The following WDR70 variants were observed in gnomAD, a reference collection of about 807,000 sequenced individuals.
WDR70 encodes WD repeat-containing protein 70.
WDR70 carries 53 observed loss-of-function variants against 88.6 expected under a neutral mutation model. That is an observed-to-expected ratio of 0.60 (90% CI 0.48 to 0.75). WDR70 has a LOEUF of 0.75. Among genes scored for constraint, WDR70 ranks in the 30% least tolerant of loss-of-function variants. WDR70 has a pLI of 0.00. For synonymous variants in WDR70, 280 were observed against 270.0 expected, an observed-to-expected ratio of 1.04 and a Z score of -0.36; for missense variants, 610 against 823.2, an observed-to-expected ratio of 0.74 and a Z score of 3.17.
intron 10 of WDR70, among the ~76,000 whole-genome samples, chr5:37,679,553 G>C (rs568573092): frequency 1.3e-5 from 2 of 152,180 alleles, no homozygotes; most frequent in African/African-American, 4.8e-5. Context: ...GCGGATTTTC[G>C]TGAACCGCGA....
intron 3 of WDR70, among the ~76,000 whole-genome samples, chr5:37,390,717 GTTT>G (rs560301932): frequency 7.6e-6 from 1 of 132,442 alleles, no homozygotes. Context: ...AAAAAGTGCT[GTTT>G]TTTTTTTTTT....
chr5:37,689,689 C>T (rs1746725381), intron 10 of WDR70, among the ~76,000 whole-genome samples: 1 of 152,154 alleles, frequency 6.6e-6, no homozygotes, highest in Non-Finnish European at 1.5e-5. Flanking sequence ...ACATCTACAC[C>T]AAAACCCCAT....
chr5:37,692,873 C>T (rs548237020), intron 10 of WDR70, among the ~76,000 whole-genome samples: 5 of 147,466 alleles, frequency 3.4e-5, no homozygotes, highest in African/African-American at 1.2e-4. Context: ...CCAGGGCAAT[C>T]AGGCAAGAGA....
intron 9 of WDR70, among the ~76,000 whole-genome samples, chr5:37,574,814 G>A (rs1581405795): frequency 6.6e-6 from 1 of 152,150 alleles, no homozygotes. Flanking sequence ...AGAGATGTGA[G>A]AGTCATTCTT....
At chr5:37,681,333 G>C (rs1214681414) in intron 10 of WDR70, among the ~76,000 whole-genome samples, 2 of 152,190 alleles carry the variant, frequency 1.3e-5, no homozygotes, top group Non-Finnish European at 2.9e-5. Context: ...TTTGGGCTGA[G>C]ACTGTGAGGT....
intron 8 of WDR70, among the ~76,000 whole-genome samples, chr5:37,487,765 A>G (rs1166510581): frequency 2.0e-5 from 3 of 151,280 alleles, no homozygotes; most frequent in Non-Finnish European, 4.4e-5. Context: ...AGCTGGGACT[A>G]CAGGTACGTA....
chr5:37,605,924 C>T (rs1367020565), intron 10 of WDR70, among the ~76,000 whole-genome samples: 2 of 152,078 alleles, frequency 1.3e-5, no homozygotes, highest in African/African-American at 2.4e-5. Flanking sequence ...AGTCTAGACA[C>T]CAGTGTTAAA....
chr5:37,626,200 A>C (rs1303207806), intron 10 of WDR70, among the ~76,000 whole-genome samples: 2 of 152,040 alleles, frequency 1.3e-5, no homozygotes, highest in African/African-American at 4.8e-5. Context: ...GTCTTGTTCT[A>C]GTTCTTAGCT....
chr5:37,452,034 A>T (rs575283247), intron 7 of WDR70, among the ~76,000 whole-genome samples: 1 of 152,146 alleles, frequency 6.6e-6, no homozygotes, highest in Non-Finnish European at 1.5e-5. Flanking sequence ...AAAGTGAAAC[A>T]TGTATATTTT....
intron 7 of WDR70, among the ~76,000 whole-genome samples, chr5:37,464,232 A>G (rs111392129): frequency 0.093 from 14,213 of 152,302 alleles, 856 homozygotes; most frequent in South Asian, 0.2. Flanking sequence ...TAGCATTAAC[A>G]AGCATATATC....
At chr5:37,505,302 GT>G (rs746853128) in intron 8 of WDR70, among the ~76,000 whole-genome samples, 1 of 152,092 alleles carries the variant, frequency 6.6e-6, no homozygotes, top group Non-Finnish European at 1.5e-5. Context: ...ATGTACCTTG[GT>G]TTTTTGGTTT....
In WDR70 at chr5:37,726,899, T is replaced by G. The variant is rs775488452; in HGVS notation, c.1731T>G (p.Val577=). The G allele has an allele frequency of 3.1e-6, 5 of 1,587,790 alleles. No homozygotes were observed. Among genetic ancestry groups the G allele is most frequent in the Non-Finnish European group, 4.3e-6 (5 of 1,171,588 alleles). Residue 577 remains valine (V), a synonymous_variant, in exon 17 of 18, where the codon GTT becomes GTG. Transcript: ENST00000265107. The part of the protein sequence containing the change: ...PVAGPGRGGR[V]GTHGGTLSSY... ...TTGCAATAGGTCGTGGTGGCCGAGT[T>G]GGAACCCACGGGGGCACTCTCTCTT...
At chr5:37,474,657 C>T (rs1007768713) in intron 7 of WDR70, among the ~76,000 whole-genome samples, 2 of 151,960 alleles carry the variant, frequency 1.3e-5, no homozygotes, top group South Asian at 2.1e-4. Flanking sequence ...TTTGCTGCAC[C>T]GATTAACCCA....
chr5:37,667,602 TATAA>T (rs1479029374), intron 10 of WDR70, among the ~76,000 whole-genome samples: 1 of 152,178 alleles, frequency 6.6e-6, no homozygotes, highest in Non-Finnish European at 1.5e-5. Context: ...TCCTCTTTTT[TATAA>T]ATAAAGTTTT....
Position 37,722,864 on chromosome 5 carries a change from A to T in WDR70, c.1527A>T (p.Lys509Asn). ...CTTTTACACCCGTTAGGGGAGCAAA[A>T]TTATGTGTGGTTAAAACCCAGCGGA... Reference protein sequence around the residue: ...YDPNKSQRGAKLCVVKTQRKA... With the variant: ...YDPNKSQRGANLCVVKTQRKA... Residue 509 changes from lysine (K) to asparagine (N), a missense_variant, in exon 15 of 18, where the codon AAA becomes AAT. Transcript: ENST00000265107. The T allele has an allele frequency of 6.2e-7, 1 of 1,613,526 alleles. No homozygotes were observed. The highest frequency in any genetic ancestry group is 8.5e-7 in the Non-Finnish European group (1 of 1,179,636).
At chr5:37,595,401 T>C (rs1743673342) in intron 9 of WDR70, among the ~76,000 whole-genome samples, 2 of 152,198 alleles carry the variant, frequency 1.3e-5, no homozygotes, top group Non-Finnish European at 2.9e-5. Flanking sequence ...GTGTAGTATT[T>C]ATACATTGAA....
intron 17 of WDR70, among the ~76,000 whole-genome samples, chr5:37,736,804 A>G (rs986739189): frequency 2.0e-5 from 3 of 152,090 alleles, no homozygotes; most frequent in Non-Finnish European, 4.4e-5. Context: ...ATGGAAAACA[A>G]CAAATTATTC....
intron 10 of WDR70, among the ~76,000 whole-genome samples, chr5:37,685,638 G>A (rs530472839): frequency 3.9e-5 from 6 of 152,174 alleles, no homozygotes; most frequent in African/African-American, 1.2e-4. Context: ...CAATCCTAGG[G>A]GTATGGGCAT....
chr5:37,390,874 G>A (rs935636335), intron 3 of WDR70, among the ~76,000 whole-genome samples: 1 of 151,832 alleles, frequency 6.6e-6, no homozygotes, highest in Non-Finnish European at 1.5e-5. Flanking sequence ...GCGCTACCAC[G>A]CCTGGCTAAT....
Sources: allele counts gnomAD v4.1 joint callset (sites outside exome capture counted in the v4.1 genomes callset), GRCh38; gene constraint gnomAD v4.1.1; transcripts MANE v1.5; gene names NCBI Gene and HGNC (gene_info 2026-07-23, HGNC 2026-07-21).